Variants in ZDHHC17 observed in about 807,000 individuals in gnomAD.
The protein encoded by ZDHHC17 is palmitoyltransferase ZDHHC17.
ZDHHC17 carries 40 observed loss-of-function variants against 90.3 expected under a neutral mutation model. The ratio of observed to expected loss-of-function variants is 0.44; its 90% CI spans 0.34 to 0.58. The LOEUF (loss-of-function observed/expected upper bound fraction) is 0.58, where lower values mean the gene tolerates loss of function less well. Ranked by LOEUF, ZDHHC17 falls within the 20% of genes least tolerant of loss-of-function variation. The probability of loss-of-function intolerance (pLI) is 0.01; values close to 1 mark genes in which losing one functional copy is unlikely to be tolerated. For missense variants in ZDHHC17, 614 were observed against 780.8 expected (o/e 0.79, Z 2.55); for synonymous variants, 235 against 252.4 (o/e 0.93, Z 0.65).
intron 1 of ZDHHC17, among the ~76,000 whole-genome samples, chr12:76,765,117 C>G (rs1182777218): frequency 6.6e-6 from 1 of 152,162 alleles, no homozygotes; most frequent in Admixed American, 6.6e-5. Flanking sequence ...ATTCTTGATG[C>G]ATTCTGATTT....
intron 14 of ZDHHC17, 67 bp downstream of exon 14, chr12:76,846,746 C>G: frequency 7.7e-7 from 1 of 1,303,816 alleles, no homozygotes; most frequent in South Asian, 1.3e-5. Context: ...ACTTACCACA[C>G]TAACAAATTA....
intron 14 of ZDHHC17, among the ~76,000 whole-genome samples, chr12:76,847,117 A>G (rs1025034510): frequency 6.6e-6 from 1 of 152,256 alleles, no homozygotes; most frequent in African/African-American, 2.4e-5. Flanking sequence ...ATTATTGCCT[A>G]TTAGAGAATA....
intron 9 of ZDHHC17, 35 bp downstream of exon 9, chr12:76,827,085 T>A: frequency 7.2e-6 from 11 of 1,519,958 alleles, no homozygotes; most frequent in Non-Finnish European, 9.6e-6. Context: ...TTTTAAACTG[T>A]ACATGAAATA....
chr12:76,794,096 AG>A, intron 1 of ZDHHC17, among the ~76,000 whole-genome samples: 1 of 152,142 alleles, frequency 6.6e-6, no homozygotes, highest in South Asian at 2.1e-4. Flanking sequence ...TGTGTTAGCC[AG>A]GATGGTCTCA....
At chr12:76,810,885 A>G (rs528640478) in intron 5 of ZDHHC17, among the ~76,000 whole-genome samples, 10 of 152,190 alleles carry the variant, frequency 6.6e-5, no homozygotes, top group Non-Finnish European at 1.5e-4. Context: ...ATTGGCTCAC[A>G]TATCTTGTGA....
chr12:76,770,954 T>C (rs569499050), intron 1 of ZDHHC17, among the ~76,000 whole-genome samples: 1 of 150,772 alleles, frequency 6.6e-6, no homozygotes, highest in African/African-American at 2.4e-5. Flanking sequence ...AAAATGCAGT[T>C]TGCTTTTAAC....
intron 1 of ZDHHC17, among the ~76,000 whole-genome samples, chr12:76,796,942 G>T (rs1450652316): frequency 6.6e-6 from 1 of 152,160 alleles, no homozygotes; most frequent in African/African-American, 2.4e-5. Flanking sequence ...AAAATGGGTA[G>T]ATCTCTTTGA....
intron 1 of ZDHHC17, among the ~76,000 whole-genome samples, chr12:76,782,296 G>A (rs991320899): frequency 6.6e-6 from 1 of 152,180 alleles, no homozygotes; most frequent in African/African-American, 2.4e-5. Context: ...TCCCTCCCTG[G>A]AATGTTACCT....
At chr12:76,826,593 G>A (rs1248153551) in intron 8 of ZDHHC17, among the ~76,000 whole-genome samples, 1 of 152,150 alleles carries the variant, frequency 6.6e-6, no homozygotes. Context: ...AAAAGGGGTG[G>A]TATTTTTCAT....
At chr12:76,813,513 A>AT (rs1043558127) in intron 5 of ZDHHC17, 18 of 288,846 alleles carry the variant, frequency 6.2e-5, no homozygotes, top group East Asian at 2.2e-4. Flanking sequence ...TGGTTCTCAG[A>AT]TTTTTTTTCT....
chr12:76,777,269 A>G lies in ZDHHC17; in HGVS notation c.93+12940A>G, dbSNP rs183966163. ...TATTTTGTAATTTTAAGAATGTTACATAAGTGGGATCATGTAGTATGTAAC... is the reference window on the plus strand; with the variant it reads ...TATTTTGTAATTTTAAGAATGTTACGTAAGTGGGATCATGTAGTATGTAAC... On this transcript the variant is annotated intron_variant, in intron 1 of 16. Transcript: ENST00000426126. Among the ~76,000 whole-genome samples the G allele has an allele frequency of 2.3e-4, 35 of 152,350 alleles. 1 individual carries two copies. The highest frequency in any genetic ancestry group is 1.7e-3 in the East Asian group (9 of 5,186).
At chr12:76,796,994 G>T (rs998441764) in intron 1 of ZDHHC17, among the ~76,000 whole-genome samples, 10 of 152,178 alleles carry the variant, frequency 6.6e-5, no homozygotes, top group Admixed American at 6.5e-4. Flanking sequence ...GCCGGGCATG[G>T]TGGCTTATGC....
chr12:76,828,443 C>T lies in ZDHHC17; in HGVS notation c.1094C>T (p.Ala365Val). Residue 365 changes from alanine to valine, a missense_variant, in exon 10 of 17, where the codon GCA becomes GTA. Around this residue, in one of 5 missense-constraint regions of ZDHHC17, gnomAD observed 117 missense variants for 183.6 expected, o/e 0.64. Transcript: ENST00000426126. ...GCATTGCCCCTTGGGATATATTTGG[C>T]AACCAAATTCTGGATGTATGTGACG... Reference protein sequence around the residue: ...HSALPLGIYLATKFWMYVTWF... With the variant: ...HSALPLGIYLVTKFWMYVTWF... 1 of 1,613,186 alleles carries T rather than the reference C, an allele frequency of 6.2e-7. No individual in the cohort carries two copies. Among genetic ancestry groups the T allele is most frequent in the Non-Finnish European group, 8.5e-7 (1 of 1,179,520 alleles).
At chr12:76,815,776 T>C in intron 6 of ZDHHC17, 81 bp from the exon 7 acceptor site, 1 of 1,357,940 alleles carries the variant, frequency 7.4e-7, no homozygotes, top group Non-Finnish European at 9.7e-7. Flanking sequence ...GTAAGCATAA[T>C]CAGTTTAGTA....
At chr12:76,770,241 T>C (rs1952477381) in intron 1 of ZDHHC17, among the ~76,000 whole-genome samples, 1 of 152,248 alleles carries the variant, frequency 6.6e-6, no homozygotes, top group Admixed American at 6.5e-5. Context: ...CTCAAATTGA[T>C]AAACAATTGT....
intron 6 of ZDHHC17, among the ~76,000 whole-genome samples, chr12:76,815,643 AACTATT>A (rs1160496421): frequency 6.6e-6 from 1 of 151,832 alleles, no homozygotes; most frequent in Non-Finnish European, 1.5e-5. Flanking sequence ...TATCCCCTGA[AACTATT>A]AATATATTAT....
chr12:76,842,210 G>T, intron 11 of ZDHHC17, 104 bp downstream of exon 11: 1 of 1,226,072 alleles, frequency 8.2e-7, no homozygotes, highest in Non-Finnish European at 1.1e-6. Flanking sequence ...AGAATGTAAA[G>T]AAGTTTTAAG....
intron 8 of ZDHHC17, among the ~76,000 whole-genome samples, chr12:76,825,566 A>G (rs913458387): frequency 6.6e-6 from 1 of 152,178 alleles, no homozygotes; most frequent in African/African-American, 2.4e-5. Flanking sequence ...TTGCTGCAGC[A>G]TAAAATTAAA....
intron 16 of ZDHHC17, among the ~76,000 whole-genome samples, chr12:76,850,162 G>T (rs559498697): frequency 1.8e-4 from 27 of 151,972 alleles, no homozygotes; most frequent in African/African-American, 5.8e-4. Flanking sequence ...TGATCCACCC[G>T]CCTCGGCCTC....
Sources: allele counts gnomAD v4.1 joint callset (sites outside exome capture counted in the v4.1 genomes callset), GRCh38; gene constraint gnomAD v4.1.1; regional missense constraint gnomAD v4.1.1; transcripts MANE v1.5; gene names NCBI Gene and HGNC (gene_info 2026-07-23, HGNC 2026-07-21).